Variants in ULK4 observed in about 807,000 individuals in gnomAD.
The protein encoded by ULK4 is unc-51 like kinase 4.
In ULK4, 133 loss-of-function variants were observed where a neutral mutation model predicts 160.6. That is an observed-to-expected ratio of 0.83 (90% CI 0.72 to 0.96). The LOEUF is 0.96. ULK4 is among the 40% of genes least tolerant of loss of function. The pLI, the probability that ULK4 is intolerant of heterozygous loss-of-function variation, is 0.00. For missense variants in ULK4, 1,580 were observed against 1,499.5 expected (o/e 1.05, Z -0.89); for synonymous variants, 534 against 539.8 (o/e 0.99, Z 0.15).
At chr3:41,900,980 T>G (rs1286959759) in intron 12 of ULK4, 151 bp from the exon 13 acceptor site, 9 of 530,966 alleles carry the variant, frequency 1.7e-5, no homozygotes, top group Non-Finnish European at 3.0e-5. Flanking sequence ...GCAGTCTCAT[T>G]TGATTTTCAC....
intron 34 of ULK4, among the ~76,000 whole-genome samples, chr3:41,417,317 G>C (rs145260152): frequency 6.6e-6 from 1 of 152,286 alleles, no homozygotes; most frequent in Non-Finnish European, 1.5e-5. Flanking sequence ...AACTCTCAGG[G>C]AAGAGAGCCT....
intron 35 of ULK4, among the ~76,000 whole-genome samples, chr3:41,371,543 C>G (rs2081366342): frequency 1.3e-5 from 2 of 152,150 alleles, no homozygotes; most frequent in Non-Finnish European, 2.9e-5. Flanking sequence ...TGCTGACGAG[C>G]AGAAGAGAAG....
intron 17 of ULK4, among the ~76,000 whole-genome samples, chr3:41,877,721 G>A (rs1040187797): frequency 3.3e-5 from 5 of 152,048 alleles, no homozygotes; most frequent in Admixed American, 6.6e-5. Context: ...GTGGCTCACC[G>A]CTATAATCCC....
intron 31 of ULK4, among the ~76,000 whole-genome samples, chr3:41,587,369 C>A (rs954714377): frequency 6.6e-6 from 1 of 152,040 alleles, no homozygotes; most frequent in East Asian, 1.9e-4. Context: ...GCATAATCTC[C>A]CTATCTTAAG....
At chr3:41,283,540 C>T (rs971956797) in intron 35 of ULK4, among the ~76,000 whole-genome samples, 10 of 152,088 alleles carry the variant, frequency 6.6e-5, no homozygotes, top group African/African-American at 2.4e-5. Flanking sequence ...AGCAAACTAT[C>T]GCAAGGACAA....
intron 5 of ULK4, among the ~76,000 whole-genome samples, chr3:41,922,385 A>T (rs1366054434): frequency 6.6e-6 from 1 of 151,950 alleles, no homozygotes; most frequent in Non-Finnish European, 1.5e-5. Flanking sequence ...TACTCAGGAG[A>T]CTGAGGTGGG....
rs2125842045 is a variant in ULK4 at position 41,715,120 on chromosome 3, T to C, written c.2634+117A>G. 5.7e-6 allele frequency: 6 copies of C among 1,051,318 alleles called. No individual in the cohort carries two copies. In the Admixed American group the frequency reaches 8.7e-5, roughly 15 times the overall value. 65.1% of individuals were successfully genotyped at this position (1,051,318 alleles called of 1,614,324 possible). A position where few individuals can be genotyped will look rare whatever the true frequency, so the allele number is the denominator to read the frequency against. On this transcript the variant is annotated intron_variant, in intron 25 of 36. Coordinates refer to ENST00000301831, the MANE Select transcript of ULK4 (RefSeq NM_017886.4). ...TAAAAATATTAAAAGGTCACTTCCC[T>C]AGAGACAAATAAATACCAACAGGAT...
intron 32 of ULK4, among the ~76,000 whole-genome samples, chr3:41,535,971 C>A (rs987733696): frequency 6.6e-6 from 1 of 152,202 alleles, no homozygotes; most frequent in African/African-American, 2.4e-5. Context: ...TATGTCTCTA[C>A]TCATGCTGCA....
chr3:41,669,210 G>A (rs17060087), intron 29 of ULK4, among the ~76,000 whole-genome samples: 13,340 of 152,184 alleles, frequency 0.088, 1,206 homozygotes, highest in African/African-American at 0.23. Context: ...TAAAAATATT[G>A]GCAGAATGTA....
chr3:41,843,058 C>T (rs1042982860), intron 17 of ULK4, among the ~76,000 whole-genome samples: 1 of 152,086 alleles, frequency 6.6e-6, no homozygotes, highest in African/African-American at 2.4e-5. Flanking sequence ...AAATGTAAAA[C>T]ATAAAACTAT....
chr3:41,630,059 T>C (rs1405242528), intron 30 of ULK4, among the ~76,000 whole-genome samples: 1 of 152,176 alleles, frequency 6.6e-6, no homozygotes, highest in Non-Finnish European at 1.5e-5. Flanking sequence ...AATAGGCCAC[T>C]ACAGCAATCT....
At chr3:41,342,287 G>A (rs996142420) in intron 35 of ULK4, among the ~76,000 whole-genome samples, 1 of 152,138 alleles carries the variant, frequency 6.6e-6, no homozygotes, top group Non-Finnish European at 1.5e-5. Context: ...AGAATGGAGA[G>A]GAAAAGGGCT....
intron 35 of ULK4, among the ~76,000 whole-genome samples, chr3:41,358,459 G>A (rs1352086920): frequency 6.6e-6 from 1 of 152,198 alleles, no homozygotes; most frequent in East Asian, 1.9e-4. Flanking sequence ...GGATGCAGAG[G>A]CAGAGAAAGG....
intron 21 of ULK4, among the ~76,000 whole-genome samples, chr3:41,787,405 T>A (rs958972055): frequency 1.3e-5 from 2 of 152,134 alleles, no homozygotes; most frequent in African/African-American, 4.8e-5. Context: ...AAGCCTGACC[T>A]CGCACTCTCA....
chr3:41,845,624 C>G (rs1223354194), intron 17 of ULK4, among the ~76,000 whole-genome samples: 1 of 152,108 alleles, frequency 6.6e-6, no homozygotes, highest in Non-Finnish European at 1.5e-5. Flanking sequence ...TGTCAATATT[C>G]TGGTTGTAAA....
chr3:41,802,092 A>G (rs191381525), intron 19 of ULK4, among the ~76,000 whole-genome samples: 1 of 152,150 alleles, frequency 6.6e-6, no homozygotes, highest in Admixed American at 6.5e-5. Context: ...AATAAGTACC[A>G]TTCTGAAATG....
At chr3:41,500,263 A>T (rs1575317367) in intron 32 of ULK4, among the ~76,000 whole-genome samples, 2 of 142,330 alleles carry the variant, frequency 1.4e-5, no homozygotes. Context: ...AGCCTAGCTC[A>T]TTAATTTTCA....
At chr3:41,519,753 T>G (rs1227027038) in intron 32 of ULK4, among the ~76,000 whole-genome samples, 1 of 152,252 alleles carries the variant, frequency 6.6e-6, no homozygotes, top group Non-Finnish European at 1.5e-5. Context: ...GACTCATGTT[T>G]GAGAGGAACT....
At chr3:41,695,499 T>C (rs2036460762) in intron 27 of ULK4, among the ~76,000 whole-genome samples, 3 of 152,076 alleles carry the variant, frequency 2.0e-5, no homozygotes, top group South Asian at 2.1e-4. Flanking sequence ...TGAGGTAGCA[T>C]TCAAAAAAGA....
Sources: allele counts gnomAD v4.1 joint callset (sites outside exome capture counted in the v4.1 genomes callset), GRCh38; gene constraint gnomAD v4.1.1; transcripts MANE v1.5; gene names NCBI Gene and HGNC (gene_info 2026-07-23, HGNC 2026-07-21).